Variants in PRKCQ observed in about 807,000 individuals in gnomAD.
PRKCQ encodes the protein protein kinase C theta.
PRKCQ carries 41 observed loss-of-function variants against 91.2 expected under a neutral mutation model. The ratio of observed to expected loss-of-function variants is 0.45; its 90% confidence interval spans 0.35 to 0.58. The LOEUF is 0.58. Ranked by LOEUF, PRKCQ falls within the 20% of genes least tolerant of loss-of-function variation. The pLI is 0.00. For missense variants in PRKCQ, 673 were observed against 896.5 expected (o/e 0.75, Z 3.18); for synonymous variants, 307 against 316.9 (o/e 0.97, Z 0.33).
intron 1 of PRKCQ, among the ~76,000 whole-genome samples, chr10:6,518,647 C>A (rs1838869353): frequency 2.6e-5 from 4 of 152,030 alleles, no homozygotes; most frequent in African/African-American, 9.7e-5. Context: ...CATGGTGAAA[C>A]CCCCTCTCTA....
intron 1 of PRKCQ, among the ~76,000 whole-genome samples, chr10:6,547,410 A>G (rs886650579): frequency 5.9e-5 from 9 of 151,870 alleles, no homozygotes; most frequent in African/African-American, 2.2e-4. Flanking sequence ...ACCAAAAAAG[A>G]GCCCGCATCG....
At chr10:6,467,389 CAGAGAGAGAGAGAGAGAGAGAGAG>C (rs1160599680) in intron 12 of PRKCQ, among the ~76,000 whole-genome samples, 1 of 27,772 alleles carries the variant, frequency 3.6e-5, no homozygotes, top group Non-Finnish European at 6.4e-5. Flanking sequence ...GAGAGACAGA[CAGAGAGAGAGAGAGAGAGAGAGAG>C]AGAGAGAGAG....
chr10:6,485,326 C>G, intron 9 of PRKCQ, 57 bp from the exon 10 acceptor site: 1 of 1,354,974 alleles, frequency 7.4e-7, no homozygotes, highest in Non-Finnish European at 1.1e-6. Context: ...TGGAACAGCT[C>G]AGCCTGCTAA....
chr10:6,503,001 T>A (rs1564358104), intron 4 of PRKCQ, among the ~76,000 whole-genome samples: 1 of 152,148 alleles, frequency 6.6e-6, no homozygotes, highest in African/African-American at 2.4e-5. Context: ...ATACCATCTG[T>A]TTGTAACACA....
chr10:6,530,674 T>TAGG (rs1372332126), intron 1 of PRKCQ, among the ~76,000 whole-genome samples: 2 of 152,348 alleles, frequency 1.3e-5, no homozygotes, highest in African/African-American at 4.8e-5. Context: ...CAATGTGAAT[T>TAGG]GCTCACATCC....
rs779149992 is a variant in PRKCQ, at chr10:6,465,256, A to G, written c.1354-852T>C. 7.2e-5 allele frequency among the ~76,000 whole-genome samples: 11 copies of G among 152,256 alleles called. No individual in the cohort carries two copies. Among genetic ancestry groups the G allele is most frequent in the Middle Eastern group, 3.4e-3 (1 of 294 alleles). ...TCCCTGAAGCTTGCAATCAAGTTTA[A>G]CCTTATTTTTCTCCAGTCCTGACTT... On this transcript the variant is annotated intron_variant, in intron 12 of 17. Transcript: ENST00000263125. This position sits in a 1 kb window ranked among gnomAD's most constrained non-coding sequence, Gnocchi z 4.4.
the PRKCQ span, among the ~76,000 whole-genome samples, chr10:6,398,091 G>A: frequency 6.6e-6 from 1 of 152,182 alleles, no homozygotes; most frequent in Non-Finnish European, 1.5e-5. Context: ...TCATTCTTTT[G>A]AATGTAGATA....
At chr10:6,401,906 A>C in the PRKCQ span, among the ~76,000 whole-genome samples, 8 of 152,192 alleles carry the variant, frequency 5.3e-5, no homozygotes, top group Non-Finnish European at 5.9e-5. Context: ...CTGCCTGGTC[A>C]CTGAAGTTCC....
chr10:6,454,481 T>C (rs912930802), intron 15 of PRKCQ, among the ~76,000 whole-genome samples: 2 of 152,056 alleles, frequency 1.3e-5, no homozygotes, highest in Non-Finnish European at 2.9e-5. Context: ...GGGCAGTGAA[T>C]GGACATGAGA....
chr10:6,423,390 C>G (rs1833049297), downstream of PRKCQ, among the ~76,000 whole-genome samples: 1 of 152,162 alleles, frequency 6.6e-6, no homozygotes, highest in Non-Finnish European at 1.5e-5. Flanking sequence ...GAAGTTGGGG[C>G]TCCTTCCCTC....
chr10:6,541,795 A>C (rs937220507), intron 1 of PRKCQ, among the ~76,000 whole-genome samples: 2 of 152,146 alleles, frequency 1.3e-5, no homozygotes, highest in Non-Finnish European at 1.5e-5. Context: ...CTTTGCATTG[A>C]TTCTTACTGA....
chr10:6,535,336 A>C (rs148052673), intron 1 of PRKCQ, among the ~76,000 whole-genome samples: 2 of 152,336 alleles, frequency 1.3e-5, no homozygotes, highest in East Asian at 3.9e-4. Flanking sequence ...CAATCCTCAT[A>C]ATGGGAGATT....
chr10:6,442,135 C>T (rs1564297829), intron 15 of PRKCQ, 54 bp from the exon 16 acceptor site: 1 of 1,545,434 alleles, frequency 6.5e-7, no homozygotes. Context: ...TGAGGAGTGA[C>T]AACTCTTCCT....
the PRKCQ span, among the ~76,000 whole-genome samples, chr10:6,419,577 C>T: frequency 6.6e-6 from 1 of 152,070 alleles, no homozygotes. Flanking sequence ...ATTATCTTTG[C>T]ATTTCTGGAC....
chr10:6,490,613 C>T (rs920113604), intron 8 of PRKCQ, among the ~76,000 whole-genome samples: 2 of 150,888 alleles, frequency 1.3e-5, no homozygotes, highest in African/African-American at 4.9e-5. Context: ...GGCATGGTAG[C>T]ACATGCCCAT....
intron 12 of PRKCQ, among the ~76,000 whole-genome samples, chr10:6,464,961 C>T (rs1035340442): frequency 3.3e-5 from 5 of 152,072 alleles, no homozygotes; most frequent in African/African-American, 1.2e-4. Context: ...TGTTACAACC[C>T]AGCAGATGAG....
intron 12 of PRKCQ, among the ~76,000 whole-genome samples, chr10:6,473,121 G>A (rs1168068800): frequency 6.6e-6 from 1 of 152,150 alleles, no homozygotes; most frequent in Admixed American, 6.5e-5. Flanking sequence ...AGCACACTCT[G>A]TAAAAGATGT....
In PRKCQ at chr10:6,527,824, C is replaced by T. The variant is rs117154565; in HGVS notation, c.-9-12680G>A. On this transcript the variant is annotated intron_variant, in intron 1 of 17. Transcript: ENST00000263125. Reference sequence around the variant, plus strand: ...ATCCTTCAGGATCCACATTCCCCTACAAAACAAGCCTATGCCGATTGCAAC... The same window carrying T: ...ATCCTTCAGGATCCACATTCCCCTATAAAACAAGCCTATGCCGATTGCAAC... 3.9e-5 allele frequency among the ~76,000 whole-genome samples: 6 copies of T among 152,296 alleles called. No individual in the cohort carries two copies. The East Asian group carries it at 9.6e-4, about 24-fold the overall frequency.
chr10:6,517,719 T>C (rs528438603), intron 1 of PRKCQ, among the ~76,000 whole-genome samples: 3 of 151,100 alleles, frequency 2.0e-5, no homozygotes, highest in East Asian at 2.0e-4. Flanking sequence ...TAAGGTCTTA[T>C]ACATTTAAAG....
Sources: allele counts gnomAD v4.1 joint callset (sites outside exome capture counted in the v4.1 genomes callset), GRCh38; gene constraint gnomAD v4.1.1; non-coding constraint Gnocchi (gnomAD v3.1); transcripts MANE v1.5; gene names NCBI Gene and HGNC (gene_info 2026-07-23, HGNC 2026-07-21).